Variants in LGSN observed in about 807,000 individuals in gnomAD.
LGSN encodes the protein lengsin.
LGSN carries 21 observed loss-of-function variants against 19.5 expected under a neutral mutation model. The observed-to-expected ratio is 1.07, with a 90% CI of 0.76 to 1.55. LGSN has a LOEUF of 1.55. Among genes scored for constraint, LGSN ranks in the 40% most tolerant of loss-of-function variants. The pLI is 0.00. For synonymous variants in LGSN, 257 were observed against 215.6 expected (o/e 1.19, Z -1.68); for missense variants, 673 against 608.5 (o/e 1.11, Z -1.12).
chr6:63,323,134 T>C (rs910278140), upstream of LGSN, among the ~76,000 whole-genome samples: 1 of 151,684 alleles, frequency 6.6e-6, no homozygotes, highest in Admixed American at 6.6e-5. Flanking sequence ...AGTGGAAGCA[T>C]GAAATTCTGA....
chr6:63,412,041 T>A, the LGSN span, among the ~76,000 whole-genome samples: 3 of 152,016 alleles, frequency 2.0e-5, no homozygotes, highest in African/African-American at 7.2e-5. Flanking sequence ...AAACTTAAAA[T>A]AGTGAATTTT....
At chr6:63,501,358 G>A in the LGSN span, among the ~76,000 whole-genome samples, 65 of 106,812 alleles carry the variant, frequency 6.1e-4, no homozygotes, top group Admixed American at 1.3e-3. Context: ...ACAAAACTTC[G>A]TCTCAAAAAA....
chr6:63,448,943 C>G, the LGSN span, among the ~76,000 whole-genome samples: 1 of 151,970 alleles, frequency 6.6e-6, no homozygotes, highest in Admixed American at 6.6e-5. Flanking sequence ...TTTTTAAGTA[C>G]AGTATAACAA....
the LGSN span, among the ~76,000 whole-genome samples, chr6:63,325,160 C>CT: frequency 4.7e-5 from 7 of 149,056 alleles, no homozygotes; most frequent in Non-Finnish European, 1.0e-4. Flanking sequence ...AATGATGCAC[C>CT]TTAAGGAACT....
the LGSN span, among the ~76,000 whole-genome samples, chr6:63,534,476 C>T: frequency 6.6e-6 from 1 of 151,674 alleles, no homozygotes; most frequent in Non-Finnish European, 1.5e-5. Flanking sequence ...CACACACACA[C>T]ACACACACAC....
chr6:63,307,094 G>A (rs1318689403), intron 1 of LGSN, among the ~76,000 whole-genome samples: 1 of 151,876 alleles, frequency 6.6e-6, no homozygotes, highest in Admixed American at 6.6e-5. Context: ...AAGGGTGATG[G>A]TAAAAATATT....
the LGSN span, among the ~76,000 whole-genome samples, chr6:63,546,444 G>T: frequency 2.0e-5 from 3 of 152,210 alleles, no homozygotes; most frequent in East Asian, 3.9e-4. Context: ...GGTGGCTCAC[G>T]CATGTAATCC....
chr6:63,326,689 G>A, the LGSN span, among the ~76,000 whole-genome samples: 1 of 152,212 alleles, frequency 6.6e-6, no homozygotes, highest in Non-Finnish European at 1.5e-5. Flanking sequence ...TGCAGCTGCT[G>A]GCCTGGGTGC....
the LGSN span, among the ~76,000 whole-genome samples, chr6:63,501,435 T>G: frequency 6.6e-6 from 1 of 151,818 alleles, no homozygotes; most frequent in Non-Finnish European, 1.5e-5. Flanking sequence ...ATTATAGAAG[T>G]GATGCATAGA....
At chr6:63,407,661 T>G in the LGSN span, among the ~76,000 whole-genome samples, 1 of 152,168 alleles carries the variant, frequency 6.6e-6, no homozygotes, top group Non-Finnish European at 1.5e-5. Flanking sequence ...TTCAACATAG[T>G]GTTGGAAGTT....
At chr6:63,449,713 G>A in the LGSN span, among the ~76,000 whole-genome samples, 1 of 152,104 alleles carries the variant, frequency 6.6e-6, no homozygotes, top group Non-Finnish European at 1.5e-5. Flanking sequence ...TGATGTTTGA[G>A]GCTATTCAGA....
chr6:63,294,290 A>C (rs1376667491), intron 2 of LGSN, among the ~76,000 whole-genome samples: 2 of 152,080 alleles, frequency 1.3e-5, no homozygotes, highest in Admixed American at 1.3e-4. Flanking sequence ...AGCCAAGATC[A>C]TGCCACTGCA....
chr6:63,529,204 T>C, the LGSN span, among the ~76,000 whole-genome samples: 1 of 148,934 alleles, frequency 6.7e-6, no homozygotes, highest in South Asian at 2.1e-4. Context: ...TATATATATA[T>C]GTATATATAT....
the LGSN span, among the ~76,000 whole-genome samples, chr6:63,539,508 T>G: frequency 0.015 from 2,265 of 152,292 alleles, 47 homozygotes; most frequent in African/African-American, 0.051. Context: ...CCAGGTGTGT[T>G]GGCTCACTCC....
chr6:63,569,474 CT>C, the LGSN span, among the ~76,000 whole-genome samples: 1 of 152,166 alleles, frequency 6.6e-6, no homozygotes, highest in Non-Finnish European at 1.5e-5. Context: ...CCAGGCTGGT[CT>C]TGAACTCCTA....
the LGSN span, among the ~76,000 whole-genome samples, chr6:63,497,179 G>T: frequency 5.3e-5 from 8 of 151,946 alleles, no homozygotes; most frequent in South Asian, 4.1e-4. Flanking sequence ...GTATTGTTAT[G>T]TTGCACAGAA....
chr6:63,548,053 C>T, the LGSN span, among the ~76,000 whole-genome samples: 1 of 152,176 alleles, frequency 6.6e-6, no homozygotes, highest in Non-Finnish European at 1.5e-5. Flanking sequence ...CTGCCCACAT[C>T]CCCCATATTC....
chr6:63,316,841 C>T (rs1321994128), intron 1 of LGSN, among the ~76,000 whole-genome samples: 5 of 151,562 alleles, frequency 3.3e-5, no homozygotes, highest in African/African-American at 9.7e-5. Context: ...TGGAACTGTT[C>T]GTGAAGATAT....
chr6:63,393,338 G>A, the LGSN span, among the ~76,000 whole-genome samples: 6 of 151,506 alleles, frequency 4.0e-5, no homozygotes, highest in Non-Finnish European at 5.9e-5. Context: ...CACAAAGCCC[G>A]GCTAATTTTT....
Sources: gnomAD v4.1 joint callset for allele counts (sites outside exome capture counted in the v4.1 genomes callset) on GRCh38, gnomAD v4.1.1 for gene constraint, MANE v1.5 for transcripts, NCBI Gene and HGNC (gene_info 2026-07-23, HGNC 2026-07-21) for gene names.